Variants in MSI2 observed in about 807,000 individuals in gnomAD.
MSI2 encodes the protein RNA-binding protein Musashi homolog 2.
Under a neutral mutation model 45.6 loss-of-function variants are expected in MSI2, and 17 were observed. The observed-to-expected ratio is 0.37, with a 90% CI of 0.26 to 0.56. MSI2 has a LOEUF of 0.56. MSI2 is among the 20% of genes least tolerant of loss of function. The pLI is 0.77. For missense variants in MSI2, 293 were observed against 444.2 expected, an observed-to-expected ratio of 0.66 and a Z score of 3.06; for synonymous variants, 156 against 158.2, an observed-to-expected ratio of 0.99 and a Z score of 0.11.
At chr17:57,319,785 G>A (rs1290658256) in intron 5 of MSI2, among the ~76,000 whole-genome samples, 1 of 152,020 alleles carries the variant, frequency 6.6e-6, no homozygotes. Context: ...GCGAATTTTT[G>A]TATTTTTTTG....
At position 57,256,598 on chromosome 17, in the gene MSI2, CAG is replaced by C. The variant is rs1366743415; in HGVS notation, c.-139_-138del. 5.1e-6 allele frequency: 2 copies of C among 392,938 alleles called. No homozygotes were observed. Among genetic ancestry groups the C allele is most frequent in the African/African-American group, 5.2e-5 (2 of 38,702 alleles). The allele number at this position is 392,938 out of a possible 1,614,324, so 24.3% of individuals were successfully genotyped here. A position where few individuals can be genotyped will look rare whatever the true frequency, so the allele number is the denominator to read the frequency against. ...GCCGCTGCCCCGGCTCCGCCGCTCG[CAG>C]AGAGATTCGGAGGAGCCCGGGCGGG... is the stretch of plus-strand genomic sequence containing the variant. On this transcript the variant is annotated 5_prime_UTR_variant, in exon 1 of 14. Coordinates refer to ENST00000284073, the MANE Select transcript of MSI2 (RefSeq NM_138962.4).
intron 7 of MSI2, among the ~76,000 whole-genome samples, chr17:57,589,483 C>CA (rs1179510172): frequency 6.6e-6 from 1 of 152,218 alleles, no homozygotes; most frequent in African/African-American, 2.4e-5. Flanking sequence ...GGTTGCAGGA[C>CA]AGCTGACTTG....
At chr17:57,469,251 G>T (rs1006902768) in intron 6 of MSI2, among the ~76,000 whole-genome samples, 3 of 152,164 alleles carry the variant, frequency 2.0e-5, no homozygotes, top group Admixed American at 1.3e-4. Flanking sequence ...AAGAAAGGAG[G>T]TGCGAAGTCC....
At chr17:57,433,766 A>T (rs967793256) in intron 6 of MSI2, among the ~76,000 whole-genome samples, 1 of 152,198 alleles carries the variant, frequency 6.6e-6, no homozygotes, top group African/African-American at 2.4e-5. Context: ...GATCAGCCCC[A>T]GAGATGCTCC....
intron 5 of MSI2, among the ~76,000 whole-genome samples, chr17:57,343,149 T>C (rs1255046338): frequency 6.6e-6 from 1 of 152,178 alleles, no homozygotes; most frequent in Admixed American, 6.5e-5. Flanking sequence ...ACTTTATCTT[T>C]CTGCACAGCC....
At chr17:57,607,009 G>A (rs917269416) in intron 8 of MSI2, among the ~76,000 whole-genome samples, 3 of 152,094 alleles carry the variant, frequency 2.0e-5, no homozygotes, top group Non-Finnish European at 4.4e-5. Flanking sequence ...TCATTCCTTA[G>A]AACTTCTGTG....
At chr17:57,261,782 G>A (rs1214115538) in intron 4 of MSI2, among the ~76,000 whole-genome samples, 1 of 152,128 alleles carries the variant, frequency 6.6e-6, no homozygotes, top group Non-Finnish European at 1.5e-5. Flanking sequence ...CAATGATAAT[G>A]ATGCTCCCAT....
intron 5 of MSI2, among the ~76,000 whole-genome samples, chr17:57,332,246 G>A (rs1352967314): frequency 2.6e-5 from 4 of 152,106 alleles, no homozygotes; most frequent in African/African-American, 7.2e-5. Context: ...GATTACAGGC[G>A]TGTGCCACCA....
intron 11 of MSI2, among the ~76,000 whole-genome samples, chr17:57,654,586 G>A (rs750561180): frequency 7.9e-5 from 12 of 152,160 alleles, no homozygotes; most frequent in Non-Finnish European, 1.5e-4. Flanking sequence ...GGCTCACTGG[G>A]TGTTGATGGC....
At chr17:57,582,791 G>T (rs1461315505) in intron 7 of MSI2, among the ~76,000 whole-genome samples, 2 of 151,946 alleles carry the variant, frequency 1.3e-5, no homozygotes, top group Non-Finnish European at 2.9e-5. Flanking sequence ...TAACAAATGG[G>T]TTCAAAATCC....
chr17:57,614,177 A>G (rs1907453969), intron 8 of MSI2, among the ~76,000 whole-genome samples: 1 of 151,926 alleles, frequency 6.6e-6, no homozygotes, highest in African/African-American at 2.4e-5. Context: ...TAGCCTCCCA[A>G]GTAGCTGGGA....
intron 5 of MSI2, among the ~76,000 whole-genome samples, chr17:57,321,289 G>C (rs1445403469): frequency 6.6e-6 from 1 of 151,838 alleles, no homozygotes; most frequent in Non-Finnish European, 1.5e-5. Context: ...CGTTGTTACT[G>C]TGCACCACCA....
intron 7 of MSI2, among the ~76,000 whole-genome samples, chr17:57,549,563 T>C (rs1483073206): frequency 6.6e-6 from 1 of 152,176 alleles, no homozygotes; most frequent in African/African-American, 2.4e-5. Flanking sequence ...GTGAATATAA[T>C]GGTTCGAGTG....
chr17:57,256,584 G>A lies in MSI2; in HGVS notation c.-159G>A. ...GTGTGACGGCTCTCGCCGCTGCCCC[G>A]GCTCCGCCGCTCGCAGAGAGATTCG... is the stretch of plus-strand genomic sequence containing the variant. On this transcript the variant is annotated 5_prime_UTR_variant, in exon 1 of 14. Coordinates refer to ENST00000284073, the MANE Select transcript of MSI2 (RefSeq NM_138962.4). 1 of 391,336 alleles carries A rather than the reference G, an allele frequency of 2.6e-6. No homozygotes were observed. The allele number at this position is 391,336 out of a possible 1,614,324, so 24.2% of individuals were successfully genotyped here.
intron 6 of MSI2, among the ~76,000 whole-genome samples, chr17:57,528,881 G>A (rs1470170863): frequency 6.6e-6 from 1 of 152,136 alleles, no homozygotes; most frequent in African/African-American, 2.4e-5. Context: ...ACACAGTTGA[G>A]CCCATAACAA....
chr17:57,604,522 C>G (rs1245040132), intron 8 of MSI2, among the ~76,000 whole-genome samples: 2 of 152,070 alleles, frequency 1.3e-5, no homozygotes. Flanking sequence ...TGGTGCACCT[C>G]CCAAAGCAGG....
At chr17:57,598,516 G>T (rs1192870921) in intron 8 of MSI2, among the ~76,000 whole-genome samples, 1 of 152,144 alleles carries the variant, frequency 6.6e-6, no homozygotes, top group Non-Finnish European at 1.5e-5. Context: ...CGTACTGTAT[G>T]TTGGAGGCAT....
chr17:57,383,455 G>A (rs969592269), intron 5 of MSI2, among the ~76,000 whole-genome samples: 8 of 152,230 alleles, frequency 5.3e-5, no homozygotes, highest in Admixed American at 3.9e-4. Context: ...TCAGGAGTTC[G>A]AGACCAGCCT....
chr17:57,543,219 C>T (rs2087090487), intron 7 of MSI2, among the ~76,000 whole-genome samples: 1 of 152,164 alleles, frequency 6.6e-6, no homozygotes, highest in Non-Finnish European at 1.5e-5. Flanking sequence ...ACACTTTTTC[C>T]AGCACCCAAG....
Sources: allele counts gnomAD v4.1 joint callset (sites outside exome capture counted in the v4.1 genomes callset), GRCh38; gene constraint gnomAD v4.1.1; transcripts MANE v1.5; gene names NCBI Gene and HGNC (gene_info 2026-07-23, HGNC 2026-07-21).